Variants in MYO9A observed in about 807,000 individuals in gnomAD.
MYO9A encodes myosin IXA.
In MYO9A, 103 loss-of-function variants were observed where a neutral mutation model predicts 293.3. That is an observed-to-expected ratio of 0.35 (90% CI 0.30 to 0.41). MYO9A has a LOEUF of 0.41. Among genes scored for constraint, MYO9A ranks in the 10% least tolerant of loss-of-function variants. The pLI, the probability that MYO9A is intolerant of heterozygous loss-of-function variation, is 1.00. For synonymous variants in MYO9A, 1,001 were observed against 1,035.7 expected (o/e 0.97, Z 0.64); for missense variants, 2,685 against 3,033.0 (o/e 0.89, Z 2.69).
At chr15:72,074,829 C>T (rs1459130242) in intron 1 of MYO9A, among the ~76,000 whole-genome samples, 1 of 152,130 alleles carries the variant, frequency 6.6e-6, no homozygotes, top group Non-Finnish European at 1.5e-5. Context: ...ACAGTTGCAG[C>T]TCAGCCCAGA....
intron 13 of MYO9A, 199 bp from the exon 14 acceptor site, chr15:71,960,295 C>A (rs182179529): frequency 9.9e-5 from 55 of 555,744 alleles, no homozygotes; most frequent in African/African-American, 9.7e-4. Flanking sequence ...GGGCTCTCTT[C>A]AAAGTAATGA....
At position 71,872,806 on chromosome 15, in the gene MYO9A, A is replaced by G. The variant is rs192702896; in HGVS notation, c.5979+2985T>C. Among the ~76,000 whole-genome samples, 856 of 152,256 alleles carry G rather than the reference A, an allele frequency of 5.6e-3. 11 individuals are homozygous for G. Among genetic ancestry groups the G allele is most frequent in the African/African-American group, 0.019 (810 of 41,550 alleles). ...TGTGAGTACAGATATTAAAATTTTT[A>G]AAAACATATGCAAATAGTAGCTTTC... On this transcript the variant is annotated intron_variant, in intron 32 of 41. Transcript: ENST00000356056.
intron 3 of MYO9A, among the ~76,000 whole-genome samples, chr15:72,028,184 G>C (rs547945350): frequency 1.5e-3 from 210 of 141,928 alleles, no homozygotes; most frequent in African/African-American, 5.3e-3. Context: ...GTGACAGAGT[G>C]AGAATCTGTC....
chr15:71,981,959 T>A (rs2076282866), intron 11 of MYO9A, among the ~76,000 whole-genome samples: 1 of 151,188 alleles, frequency 6.6e-6, no homozygotes, highest in Non-Finnish European at 1.5e-5. Context: ...AACGTGTCAT[T>A]AGGTACAATA....
At chr15:72,080,611 GT>G (rs58059321) in intron 1 of MYO9A, among the ~76,000 whole-genome samples, 9 of 148,208 alleles carry the variant, frequency 6.1e-5, no homozygotes, top group Admixed American at 6.7e-5. Context: ...TACTTTTTGG[GT>G]TTTTTTTTTA....
chr15:71,998,166 G>A (rs1357954277), intron 9 of MYO9A, among the ~76,000 whole-genome samples: 2 of 152,178 alleles, frequency 1.3e-5, no homozygotes, highest in African/African-American at 4.8e-5. Flanking sequence ...CACGTCCTTT[G>A]CAGGAATTTG....
At chr15:71,837,491 C>T (rs1195940774) in intron 39 of MYO9A, among the ~76,000 whole-genome samples, 3 of 152,062 alleles carry the variant, frequency 2.0e-5, no homozygotes, top group Non-Finnish European at 2.9e-5. Context: ...TTAAAAGCCT[C>T]AAGGAGCTTG....
intron 40 of MYO9A, 84 bp downstream of exon 40, chr15:71,830,025 A>C (rs1250794268): frequency 3.7e-6 from 5 of 1,365,260 alleles, no homozygotes; most frequent in Non-Finnish European, 5.2e-6. Context: ...AGGAGATAAT[A>C]AATAAGAAAA....
intron 2 of MYO9A, chr15:72,041,259 T>C: frequency 8.3e-7 from 1 of 1,210,016 alleles, no homozygotes; most frequent in African/African-American, 1.5e-5. Context: ...CTGTACATCT[T>C]CACCTGCGTT....
chr15:71,834,441 G>A (rs375682426), intron 39 of MYO9A, among the ~76,000 whole-genome samples: 1 of 152,080 alleles, frequency 6.6e-6, no homozygotes, highest in Non-Finnish European at 1.5e-5. Flanking sequence ...AGAGGCAGGC[G>A]TTAAGTTTGA....
At chr15:71,966,585 C>T (rs1240182640) in intron 13 of MYO9A, among the ~76,000 whole-genome samples, 1 of 152,050 alleles carries the variant, frequency 6.6e-6, no homozygotes, top group Admixed American at 6.5e-5. Context: ...CAGCTCTAGC[C>T]AGAGGTCACT....
At position 71,906,278 on chromosome 15, in the gene MYO9A, C is replaced by G. The variant is rs184322960; in HGVS notation, c.2686-1272G>C. On this transcript the variant is annotated intron_variant, in intron 19 of 41. Transcript: ENST00000356056. ...ATTTCATGGGCACTTAAAATAAATG[C>G]ATATTCTGCAATTGTTGGCTAGGGT... is the stretch of plus-strand genomic sequence containing the variant. 3.2e-3 allele frequency among the ~76,000 whole-genome samples: 484 copies of G among 152,226 alleles called. 3 individuals are homozygous for G. Among genetic ancestry groups the G allele is most frequent in the African/African-American group, 0.011 (470 of 41,544 alleles).
chr15:71,848,704 A>G (rs892927028), intron 39 of MYO9A, 141 bp downstream of exon 39: 6 of 933,924 alleles, frequency 6.4e-6, no homozygotes, highest in Admixed American at 6.4e-5. Context: ...TGAGGAATCC[A>G]TAGCACCTTG....
intron 1 of MYO9A, among the ~76,000 whole-genome samples, chr15:72,049,776 T>A (rs1307570563): frequency 1.3e-5 from 2 of 152,220 alleles, no homozygotes; most frequent in Non-Finnish European, 2.9e-5. Context: ...TACCTGATGA[T>A]CTGAGGCAGA....
chr15:71,860,211 A>G (rs928501152), intron 33 of MYO9A, among the ~76,000 whole-genome samples: 1 of 152,204 alleles, frequency 6.6e-6, no homozygotes, highest in African/African-American at 2.4e-5. Context: ...ATTCCTATAG[A>G]TAAGGAAGGC....
intron 21 of MYO9A, 62 bp from the exon 22 acceptor site, chr15:71,903,125 A>C: frequency 7.6e-7 from 1 of 1,312,228 alleles, no homozygotes; most frequent in Admixed American, 2.2e-5. Flanking sequence ...AAGACCTTAA[A>C]CTAATTATCA....
At chr15:71,872,935 CAG>C (rs1213812207) in intron 32 of MYO9A, among the ~76,000 whole-genome samples, 3 of 150,434 alleles carry the variant, frequency 2.0e-5, no homozygotes, top group South Asian at 4.2e-4. Flanking sequence ...TTTTTTGAGA[CAG>C]AGTCTCGCTC....
chr15:72,060,537 T>C (rs372359897), intron 1 of MYO9A, among the ~76,000 whole-genome samples: 4 of 152,246 alleles, frequency 2.6e-5, no homozygotes, highest in African/African-American at 4.8e-5. Flanking sequence ...GTGGGAGAGA[T>C]AGCACAGAGA....
intron 2 of MYO9A, chr15:72,040,233 G>T (rs1264841125): frequency 1.3e-5 from 2 of 152,370 alleles, no homozygotes; most frequent in Non-Finnish European, 2.9e-5. Context: ...GTCAGCAGGA[G>T]GCAGTTAAAA....
Sources: allele counts gnomAD v4.1 joint callset (sites outside exome capture counted in the v4.1 genomes callset), GRCh38; gene constraint gnomAD v4.1.1; transcripts MANE v1.5; gene names NCBI Gene and HGNC (gene_info 2026-07-23, HGNC 2026-07-21).